The following MTDH variants were observed in gnomAD, a reference collection of about 807,000 sequenced individuals.
MTDH encodes the protein protein LYRIC.
In MTDH, 34 loss-of-function variants were observed where a neutral mutation model predicts 72.7. The ratio of observed to expected loss-of-function variants is 0.47; its 90% confidence interval spans 0.36 to 0.62. MTDH has a LOEUF of 0.62. Ranked by LOEUF, MTDH falls within the 20% of genes least tolerant of loss-of-function variation. The pLI is 0.00. For synonymous variants in MTDH, 266 were observed against 268.9 expected (o/e 0.99, Z 0.10); for missense variants, 677 against 699.4 (o/e 0.97, Z 0.36).
At chr8:97,669,691 T>C (rs1586222032) in intron 2 of MTDH, among the ~76,000 whole-genome samples, 1 of 151,526 alleles carries the variant, frequency 6.6e-6, no homozygotes, top group Non-Finnish European at 1.5e-5. Flanking sequence ...CCGAGGCAGG[T>C]GGACCATTTG....
At chr8:97,655,505 A>G (rs1811933992) in intron 1 of MTDH, among the ~76,000 whole-genome samples, 1 of 152,240 alleles carries the variant, frequency 6.6e-6, no homozygotes, top group African/African-American at 2.4e-5. Flanking sequence ...TCCCAAAAGA[A>G]TTTGCATCTG....
chr8:97,696,118 A>T, intron 6 of MTDH: 1 of 401,124 alleles, frequency 2.5e-6, no homozygotes, highest in Non-Finnish European at 3.4e-6. Context: ...GGTTATCTTT[A>T]AATAGTCTCA....
Position 97,724,587 on chromosome 8 carries a change from T to C in MTDH, c.1679-13T>C. 1 of 1,575,134 alleles carries C rather than the reference T, an allele frequency of 6.3e-7. No homozygotes were observed. The highest frequency in any genetic ancestry group is 8.6e-7 in the Non-Finnish European group (1 of 1,167,774). On this transcript the variant is annotated splice_polypyrimidine_tract_variant and intron_variant, in intron 11 of 11. Transcript: ENST00000336273. ...CTAATTTTTTTCTTCGTTTTCCCCCTTTTCTTTTTTAGCCAAGTCTGAAAC... is the reference window on the plus strand; with the variant it reads ...CTAATTTTTTTCTTCGTTTTCCCCCCTTTCTTTTTTAGCCAAGTCTGAAAC...
At chr8:97,678,363 T>G (rs1231292884) in intron 2 of MTDH, among the ~76,000 whole-genome samples, 2 of 152,146 alleles carry the variant, frequency 1.3e-5, no homozygotes, top group Admixed American at 6.6e-5. Context: ...TCTAGAAAAC[T>G]ATGATGACAA....
intron 7 of MTDH, 137 bp from the exon 8 acceptor site, chr8:97,706,489 C>G: frequency 1.6e-6 from 1 of 642,658 alleles, no homozygotes; most frequent in African/African-American, 1.9e-5. Context: ...ATTTTTTTTT[C>G]TGGCTCTTAA....
intron 2 of MTDH, among the ~76,000 whole-genome samples, chr8:97,678,984 C>T (rs746620929): frequency 2.6e-5 from 4 of 152,112 alleles, no homozygotes; most frequent in Non-Finnish European, 4.4e-5. Flanking sequence ...AGCGTTTGTA[C>T]GTTAGATGTG....
At chr8:97,716,778 C>T (rs1442710441) in intron 9 of MTDH, among the ~76,000 whole-genome samples, 3 of 152,112 alleles carry the variant, frequency 2.0e-5, no homozygotes, top group South Asian at 4.1e-4. Flanking sequence ...CATCACAGCT[C>T]ACTGCAGCCT....
At chr8:97,713,030 A>C (rs1814697954) in intron 8 of MTDH, among the ~76,000 whole-genome samples, 1 of 152,178 alleles carries the variant, frequency 6.6e-6, no homozygotes, top group Non-Finnish European at 1.5e-5. Context: ...ACTACATTTG[A>C]ACTTCAAAAT....
At chr8:97,705,277 A>G (rs2131044549) in intron 7 of MTDH, among the ~76,000 whole-genome samples, 1 of 151,174 alleles carries the variant, frequency 6.6e-6, no homozygotes, top group South Asian at 2.1e-4. Context: ...AGCCTGGGTG[A>G]CAGAGTGAGA....
intron 9 of MTDH, among the ~76,000 whole-genome samples, chr8:97,715,169 C>G (rs1814811523): frequency 6.7e-6 from 1 of 150,158 alleles, no homozygotes; most frequent in Non-Finnish European, 1.5e-5. Flanking sequence ...ACTCTGTCAC[C>G]CCGGCTGGAG....
chr8:97,684,590 A>G (rs1047715936), intron 2 of MTDH, among the ~76,000 whole-genome samples: 4 of 152,224 alleles, frequency 2.6e-5, no homozygotes, highest in African/African-American at 7.2e-5. Flanking sequence ...CATATTTACT[A>G]TTTGATCCTT....
intron 2 of MTDH, among the ~76,000 whole-genome samples, chr8:97,662,887 G>A (rs1812229834): frequency 6.6e-6 from 1 of 151,366 alleles, no homozygotes; most frequent in Admixed American, 6.6e-5. Flanking sequence ...CTTCTTCAAA[G>A]ACATTTTGAA....
chr8:97,687,975 G>C (rs924260770), intron 4 of MTDH, among the ~76,000 whole-genome samples: 4 of 152,168 alleles, frequency 2.6e-5, no homozygotes, highest in African/African-American at 9.7e-5. Flanking sequence ...TGCATGTTGA[G>C]AGCTTTCATT....
At chr8:97,718,813 C>T (rs1814985485) in intron 9 of MTDH, among the ~76,000 whole-genome samples, 2 of 151,800 alleles carry the variant, frequency 1.3e-5, no homozygotes, top group Admixed American at 6.6e-5. Context: ...CCTCCCTGCT[C>T]AGCCTCCTGA....
intron 7 of MTDH, among the ~76,000 whole-genome samples, chr8:97,703,274 CTTGAGCCTGAG>C (rs1334898463): frequency 7.9e-5 from 12 of 152,186 alleles, no homozygotes; most frequent in African/African-American, 2.9e-4. Context: ...TGGAAGATCA[CTTGAGCCTGAG>C]AAGTCTAGGC....
intron 2 of MTDH, among the ~76,000 whole-genome samples, chr8:97,671,113 C>A (rs1812604175): frequency 6.6e-6 from 1 of 152,032 alleles, no homozygotes; most frequent in African/African-American, 2.4e-5. Context: ...CTACAGGCGC[C>A]CACCACCGCG....
At chr8:97,663,441 A>T (rs1220746870) in intron 2 of MTDH, among the ~76,000 whole-genome samples, 1 of 152,092 alleles carries the variant, frequency 6.6e-6, no homozygotes, top group African/African-American at 2.4e-5. Flanking sequence ...TACTTACTAG[A>T]TATACTTTTA....
chr8:97,656,596 C>T (rs554357660), intron 1 of MTDH, among the ~76,000 whole-genome samples: 13 of 151,434 alleles, frequency 8.6e-5, no homozygotes, highest in South Asian at 8.4e-4. Flanking sequence ...CCACCGTGCC[C>T]GGCCTATTAA....
intron 1 of MTDH, among the ~76,000 whole-genome samples, chr8:97,657,896 C>T (rs901418895): frequency 6.6e-6 from 1 of 152,124 alleles, no homozygotes; most frequent in Non-Finnish European, 1.5e-5. Flanking sequence ...AGTTACTATT[C>T]ATGTAAGTAG....
Sources: gnomAD v4.1 joint callset for allele counts (sites outside exome capture counted in the v4.1 genomes callset) on GRCh38, gnomAD v4.1.1 for gene constraint, MANE v1.5 for transcripts, NCBI Gene and HGNC (gene_info 2026-07-23, HGNC 2026-07-21) for gene names.